ANKS3: variants seen among roughly 807,000 people sequenced by gnomAD.
ANKS3 encodes ankyrin repeat and sterile alpha motif domain containing 3, also known as ankyrin repeat and SAM domain-containing protein 3.
Under a neutral mutation model 80.7 loss-of-function variants are expected in ANKS3, and 62 were observed. The observed-to-expected ratio is 0.77, with a 90% CI of 0.63 to 0.95. ANKS3 has a LOEUF of 0.95. ANKS3 is among the 40% of genes least tolerant of loss of function. The pLI is 0.00. For synonymous variants in ANKS3, 489 were observed against 355.3 expected (o/e 1.38, Z -4.23); for missense variants, 1,150 against 883.6 (o/e 1.30, Z -3.82).
At chr16:4,698,107 C>G (rs115620000) in intron 14 of ANKS3, 45 bp from the exon 15 acceptor site, 1 of 1,542,288 alleles carries the variant, frequency 6.5e-7, no homozygotes, top group Non-Finnish European at 8.8e-7. Context: ...GAGGCCTGGC[C>G]GCTGCAGAGC....
At position 4,722,555 on chromosome 16, in the gene ANKS3, G is replaced by A. The variant is rs545170786; in HGVS notation, c.573+2195C>T. On this transcript the variant is annotated intron_variant, in intron 6 of 17. Transcript: ENST00000304283. ...CATGCCACTGTACTCCAGCCTGGGC[G>A]ACTGAGTGAGACTCAGTCTCAAAAA... 1.3e-3 allele frequency among the ~76,000 whole-genome samples: 179 copies of A among 140,686 alleles called. 2 individuals carry two copies. The highest frequency in any genetic ancestry group is 4.4e-3 in the African/African-American group (165 of 37,142). The allele number at this position is 140,686 out of a possible 152,430, so 92.3% of individuals were successfully genotyped here.
Position 4,700,707 on chromosome 16 carries a change from C to T in ANKS3, c.1284+263G>A, listed in dbSNP as rs1283708001. On this transcript the variant is annotated intron_variant, in intron 11 of 17. Transcript: ENST00000304283. ...CTGAGGTCAAGTGTGCTTTTCTTCT[C>T]CCCAGGCTCAGGGAGGCCAACTCCA... 8 of 592,418 alleles carry T rather than the reference C, an allele frequency of 1.4e-5. No individual in the cohort carries two copies. In the East Asian group the frequency reaches 2.0e-4, roughly 14 times the overall value. 36.7% of individuals were successfully genotyped at this position (592,418 alleles called of 1,614,324 possible).
At position 4,726,691 on chromosome 16, in the gene ANKS3, G is replaced by A. The variant is rs1035855121; in HGVS notation, c.459C>T (p.Phe153=). The stretch of plus-strand genomic sequence containing the variant: ...TGGCATTGGCTCCACTGTCCAAGAG[G>A]AACCTGACCATGTGCTGGTGCCCGG... ...TSAGHQHMVR[F]LLDSGANANV... is the part of the protein sequence containing the mutation. Residue 153 remains phenylalanine, a synonymous_variant, in exon 5 of 18, where the codon TTC becomes TTT. Coordinates refer to ENST00000304283, the MANE Select transcript of ANKS3 (RefSeq NM_133450.4). The A allele has an allele frequency of 5.6e-6, 9 of 1,614,076 alleles. No individual in the cohort carries two copies. The Admixed American group carries it at 1.5e-4, about 27-fold the overall frequency.
intron 8 of ANKS3, among the ~76,000 whole-genome samples, chr16:4,703,390 C>A (rs1365097411): frequency 6.6e-6 from 1 of 151,796 alleles, no homozygotes; most frequent in Admixed American, 6.6e-5. Flanking sequence ...GCTGGGATTA[C>A]AGGTATAAGC....
At chr16:4,706,135 C>G (rs1408842733) in intron 7 of ANKS3, among the ~76,000 whole-genome samples, 1 of 152,086 alleles carries the variant, frequency 6.6e-6, no homozygotes, top group African/African-American at 2.4e-5. Flanking sequence ...CTCAGGTGAT[C>G]CACCCACCTC....
chr16:4,698,283 G>A, intron 14 of ANKS3, 144 bp downstream of exon 14: 1 of 1,249,620 alleles, frequency 8.0e-7, no homozygotes, highest in South Asian at 1.6e-5. Flanking sequence ...GGAAGGAAGG[G>A]CCTGATGAAA....
intron 6 of ANKS3, among the ~76,000 whole-genome samples, chr16:4,720,870 G>A (rs942838596): frequency 3.3e-5 from 5 of 150,742 alleles, no homozygotes; most frequent in African/African-American, 1.2e-4. Context: ...CTGGGAGGCA[G>A]AGGTTGCAAT....
intron 7 of ANKS3, among the ~76,000 whole-genome samples, chr16:4,709,691 A>G (rs1285181026): frequency 6.6e-6 from 1 of 152,236 alleles, no homozygotes; most frequent in Non-Finnish European, 1.5e-5. Flanking sequence ...GACTATGTTC[A>G]GTAAAATAAG....
intron 8 of ANKS3, among the ~76,000 whole-genome samples, chr16:4,704,528 A>G (rs889081267): frequency 5.3e-5 from 8 of 152,182 alleles, no homozygotes; most frequent in African/African-American, 1.9e-4. Context: ...CCAAGAGCAA[A>G]ACGCTCAACA....
chr16:4,716,041 G>A (rs2080776055), intron 6 of ANKS3, among the ~76,000 whole-genome samples: 1 of 151,954 alleles, frequency 6.6e-6, no homozygotes, highest in Non-Finnish European at 1.5e-5. Flanking sequence ...ACACGGACTA[G>A]GGTGCACAAA....
chr16:4,698,375 C>A, intron 14 of ANKS3, 52 bp downstream of exon 14: 2 of 1,438,064 alleles, frequency 1.4e-6, no homozygotes, highest in Non-Finnish European at 1.8e-6. Context: ...GGCCCAGGGG[C>A]CAGGTGGCTG....
At position 4,702,246 on chromosome 16, in the gene ANKS3, T is replaced by G. The variant is rs1288896672; in HGVS notation, c.869-4A>C. 6 of 1,547,514 alleles carry G rather than the reference T, an allele frequency of 3.9e-6. No individual in the cohort carries two copies. Among genetic ancestry groups the G allele is most frequent in the Non-Finnish European group, 5.2e-6 (6 of 1,148,512 alleles). ...TAGCCACGGGGAGGAGCCTGCTCTG[T>G]GTACAGAATGGGGCCCATAAGCCCA... On this transcript the variant is annotated splice_region_variant and splice_polypyrimidine_tract_variant and intron_variant, in intron 8 of 17. Transcript: ENST00000304283.
At chr16:4,733,198 G>T (rs905166985) in intron 1 of ANKS3, among the ~76,000 whole-genome samples, 2 of 54,344 alleles carry the variant, frequency 3.7e-5, no homozygotes, top group Admixed American at 2.7e-4. Flanking sequence ...GCGAGACTCC[G>T]TCTCAAAAAA....
chr16:4,731,239 G>A (rs1338289023), intron 2 of ANKS3, among the ~76,000 whole-genome samples: 2 of 152,174 alleles, frequency 1.3e-5, no homozygotes, highest in Non-Finnish European at 2.9e-5. Context: ...ATGCCTTTAT[G>A]AAACCACAGA....
chr16:4,721,056 A>G (rs1258911101), intron 6 of ANKS3, among the ~76,000 whole-genome samples: 1 of 150,486 alleles, frequency 6.6e-6, no homozygotes, highest in Non-Finnish European at 1.5e-5. Flanking sequence ...CTGTAATCCC[A>G]GCACTTTGGG....
chr16:4,727,318 GAGGC>G, intron 3 of ANKS3, 141 bp from the exon 4 acceptor site: 3 of 823,658 alleles, frequency 3.6e-6, no homozygotes, highest in Non-Finnish European at 5.7e-6. Context: ...GTGGGGATTG[GAGGC>G]AGGCAGGCAG....
In ANKS3 at chr16:4,730,091, A is replaced by G; in HGVS notation, c.59T>C (p.Met20Thr). Residue 20 changes from methionine (M) to threonine (T), a missense_variant, in exon 3 of 18, where the codon ATG (methionine) becomes ACG (threonine). By Grantham distance (81) the Met-to-Thr change is moderately conservative. Coordinates refer to ENST00000304283, the MANE Select transcript of ANKS3 (RefSeq NM_133450.4). ...EPELLNRSLS[M>T]WHGLGTQVSG... ...GACCTGTGTCCCGAGCCCGTGCCAC[A>G]TGGACAAGCTGCGGTTCAGGAGTTC... is the stretch of plus-strand genomic sequence containing the variant. 1 of 1,593,964 alleles carries G rather than the reference A, an allele frequency of 6.3e-7. No individual in the cohort carries two copies. Among genetic ancestry groups the G allele is most frequent in the Non-Finnish European group, 8.6e-7 (1 of 1,168,478 alleles).
At chr16:4,716,023 C>G (rs1158669703) in intron 6 of ANKS3, among the ~76,000 whole-genome samples, 1 of 151,932 alleles carries the variant, frequency 6.6e-6, no homozygotes, top group East Asian at 1.9e-4. Flanking sequence ...GTGGGAGTAC[C>G]TGCGGTGACA....
chr16:4,698,228 C>T, intron 14 of ANKS3, 166 bp from the exon 15 acceptor site: 1 of 1,108,472 alleles, frequency 9.0e-7, no homozygotes, highest in Non-Finnish European at 1.3e-6. Flanking sequence ...AGGAGGGCGA[C>T]CGGTGCAGAT....
Sources: allele counts gnomAD v4.1 joint callset (sites outside exome capture counted in the v4.1 genomes callset), GRCh38; gene constraint gnomAD v4.1.1; transcripts MANE v1.5; gene names NCBI Gene and HGNC (gene_info 2026-07-23, HGNC 2026-07-21).